The following HMGCLL1 variants were observed in gnomAD, a reference collection of about 807,000 sequenced individuals.
The protein encoded by HMGCLL1 is 3-hydroxymethyl-3-methylglutaryl-CoA lyase, cytoplasmic.
In HMGCLL1, 36 loss-of-function variants were observed where a neutral mutation model predicts 39.1. The ratio of observed to expected loss-of-function variants is 0.92; its 90% CI spans 0.71 to 1.22. HMGCLL1 has a LOEUF of 1.22. HMGCLL1 is among the 50% of genes most tolerant of loss of function. HMGCLL1 has a pLI of 0.00. For missense variants in HMGCLL1, 451 were observed against 416.5 expected, an observed-to-expected ratio of 1.08 and a Z score of -0.72; for synonymous variants, 149 against 144.0, an observed-to-expected ratio of 1.03 and a Z score of -0.25.
chr6:55,578,158 CAAG>C (rs1257286228), intron 1 of HMGCLL1, among the ~76,000 whole-genome samples: 4 of 152,166 alleles, frequency 2.6e-5, no homozygotes, highest in South Asian at 4.1e-4. Flanking sequence ...TGTAATTTAA[CAAG>C]AAGTCCTCAC....
At chr6:55,589,254 A>T in the HMGCLL1 span, among the ~76,000 whole-genome samples, 1 of 152,110 alleles carries the variant, frequency 6.6e-6, no homozygotes, top group African/African-American at 2.4e-5. Flanking sequence ...TTCAACATAC[A>T]CAAATCAACA....
chr6:55,678,619 C>T, the HMGCLL1 span, among the ~76,000 whole-genome samples: 1 of 151,914 alleles, frequency 6.6e-6, no homozygotes, highest in African/African-American at 2.4e-5. Flanking sequence ...ATTAGCTCAG[C>T]AGTTAGTTAA....
chr6:55,607,305 T>C, the HMGCLL1 span, among the ~76,000 whole-genome samples: 1 of 152,226 alleles, frequency 6.6e-6, no homozygotes, highest in Non-Finnish European at 1.5e-5. Flanking sequence ...CTACATTTAC[T>C]TACCACAGTT....
At chr6:55,515,184 C>T (rs186140981) in intron 4 of HMGCLL1, among the ~76,000 whole-genome samples, 4 of 149,960 alleles carry the variant, frequency 2.7e-5, no homozygotes, top group East Asian at 2.0e-4. Context: ...ACCTGGGAGG[C>T]GGAGGTTGCA....
chr6:55,637,748 G>C, the HMGCLL1 span, among the ~76,000 whole-genome samples: 1 of 150,572 alleles, frequency 6.6e-6, no homozygotes. Flanking sequence ...GTATGTGTCT[G>C]TGTGTGTCTG....
rs186452980 is a variant in HMGCLL1 at position 55,485,569 on chromosome 6, G to A, written c.795+9850C>T. ...ATATATGTTAGACACCTTAATATTTGAGAGATAATATCTTATATAAATAGC... is the reference window on the plus strand; with the variant it reads ...ATATATGTTAGACACCTTAATATTTAAGAGATAATATCTTATATAAATAGC... On this transcript the variant is annotated intron_variant, in intron 7 of 8. Coordinates refer to ENST00000274901, the MANE Select transcript of HMGCLL1 (RefSeq NM_001042406.2). Among the ~76,000 whole-genome samples, 607 of 151,942 alleles carry A rather than the reference G, an allele frequency of 4.0e-3. 7 individuals carry two copies. The highest frequency in any genetic ancestry group is 0.014 in the African/African-American group (570 of 41,466).
At chr6:55,597,617 C>A in the HMGCLL1 span, among the ~76,000 whole-genome samples, 3 of 151,872 alleles carry the variant, frequency 2.0e-5, no homozygotes, top group African/African-American at 7.2e-5. Flanking sequence ...ATTTGAATTT[C>A]TCCGCTTTTT....
At chr6:55,611,463 A>G in the HMGCLL1 span, among the ~76,000 whole-genome samples, 3 of 152,184 alleles carry the variant, frequency 2.0e-5, no homozygotes, top group African/African-American at 4.8e-5. Context: ...AACTCATTTT[A>G]TGAGGCCAGC....
chr6:55,571,606 C>A (rs780500214), intron 1 of HMGCLL1, among the ~76,000 whole-genome samples: 2 of 151,868 alleles, frequency 1.3e-5, no homozygotes, highest in Non-Finnish European at 2.9e-5. Flanking sequence ...GAGATCGAGA[C>A]CATCCTGGCT....
intron 5 of HMGCLL1, chr6:55,513,042 A>G (rs1767543888): frequency 6.6e-6 from 1 of 152,328 alleles, no homozygotes; most frequent in Middle Eastern, 3.3e-3. Context: ...GCAGACAAGC[A>G]CCAAGGCAGA....
chr6:55,450,048 G>T (rs1229017778), intron 7 of HMGCLL1, among the ~76,000 whole-genome samples: 2 of 152,146 alleles, frequency 1.3e-5, no homozygotes, highest in Admixed American at 6.6e-5. Flanking sequence ...AAATGGCAGA[G>T]GTTCAAATCC....
At chr6:55,552,145 A>G (rs1049533604) in intron 1 of HMGCLL1, among the ~76,000 whole-genome samples, 1 of 152,144 alleles carries the variant, frequency 6.6e-6, no homozygotes, top group South Asian at 2.1e-4. Context: ...ACACACAAAA[A>G]AGATAAATGA....
intron 7 of HMGCLL1, among the ~76,000 whole-genome samples, chr6:55,441,351 G>T (rs1055832188): frequency 6.6e-6 from 1 of 152,098 alleles, no homozygotes; most frequent in Admixed American, 6.6e-5. Context: ...TAATTTAGTA[G>T]GAATTGCTAA....
At chr6:55,624,339 G>A in the HMGCLL1 span, among the ~76,000 whole-genome samples, 1 of 152,120 alleles carries the variant, frequency 6.6e-6, no homozygotes, top group Non-Finnish European at 1.5e-5. Context: ...ACTAGATGTG[G>A]TTTCATTGCT....
intron 7 of HMGCLL1, among the ~76,000 whole-genome samples, chr6:55,465,289 C>T (rs1331504017): frequency 6.6e-6 from 1 of 152,104 alleles, no homozygotes; most frequent in African/African-American, 2.4e-5. Context: ...CACATTAATA[C>T]GTATGTCCAT....
the HMGCLL1 span, among the ~76,000 whole-genome samples, chr6:55,627,184 T>C: frequency 6.6e-6 from 1 of 152,018 alleles, no homozygotes; most frequent in Non-Finnish European, 1.5e-5. Flanking sequence ...GAAATGAAGA[T>C]TGTAACTGTC....
At chr6:55,569,650 C>T (rs575013750) in intron 1 of HMGCLL1, among the ~76,000 whole-genome samples, 6 of 152,194 alleles carry the variant, frequency 3.9e-5, no homozygotes, top group South Asian at 4.1e-4. Flanking sequence ...ACAGGGAGTG[C>T]CGGGTTCATA....
chr6:55,542,963 A>C (rs1260027335), intron 1 of HMGCLL1, among the ~76,000 whole-genome samples: 3 of 122,462 alleles, frequency 2.4e-5, no homozygotes, highest in African/African-American at 9.6e-5. Context: ...TAAATAATAT[A>C]TAATATATAT....
chr6:55,453,050 T>C (rs887964002), intron 7 of HMGCLL1, among the ~76,000 whole-genome samples: 1 of 152,098 alleles, frequency 6.6e-6, no homozygotes, highest in Admixed American at 6.5e-5. Context: ...TTGAAGGATA[T>C]TGACAAGGGT....
Sources: allele counts gnomAD v4.1 joint callset (sites outside exome capture counted in the v4.1 genomes callset), GRCh38; gene constraint gnomAD v4.1.1; transcripts MANE v1.5; gene names NCBI Gene and HGNC (gene_info 2026-07-23, HGNC 2026-07-21).